Variants in ZC3H15 observed in about 807,000 individuals in gnomAD.
The protein encoded by ZC3H15 is zinc finger CCCH-type containing 15.
A neutral mutation model predicts 51.2 loss-of-function variants in ZC3H15; 15 were observed. The ratio of observed to expected loss-of-function variants is 0.29; its 90% CI spans 0.20 to 0.45. The LOEUF (loss-of-function observed/expected upper bound fraction) is 0.45. Among genes scored for constraint, ZC3H15 ranks in the 20% least tolerant of loss-of-function variants. The probability of loss-of-function intolerance (pLI) is 1.00; values close to 1 mark genes in which losing one functional copy is unlikely to be tolerated. For synonymous variants in ZC3H15, 144 were observed against 162.8 expected, an observed-to-expected ratio of 0.88 and a Z score of 0.88; for missense variants, 381 against 494.7, an observed-to-expected ratio of 0.77 and a Z score of 2.18.
intron 2 of ZC3H15, 132 bp downstream of exon 2, chr2:186,495,466 T>C: frequency 1.7e-6 from 1 of 600,694 alleles, no homozygotes; most frequent in Non-Finnish European, 2.7e-6. Context: ...TTTTGCACCT[T>C]GGCCTTCCTT....
At position 186,506,717 on chromosome 2, in the gene ZC3H15, A is replaced by G; in HGVS notation, c.971A>G (p.Asp324Gly). Residue 324 changes from aspartate to glycine, a missense_variant, in exon 9 of 10, where the codon GAT becomes GGT. By Grantham distance (94) the Asp-to-Gly change is moderately conservative. This residue lies in a region of ZC3H15 where 215 missense variants were observed against 241.8 expected (regional missense o/e 0.89). Transcript: ENST00000337859. ...CTTTTCTATATGTTGTTAAAGGTTG[A>G]TGATTCAGTGAGTGTAAATGACATA... is the stretch of plus-strand genomic sequence containing the variant. Reference protein sequence around the residue: ...YTQGTGGDEVDDSVSVNDIDL... With the variant: ...YTQGTGGDEVGDSVSVNDIDL... The G allele has an allele frequency of 6.2e-7, 1 of 1,608,478 alleles. No homozygotes were observed.
chr2:186,505,499 C>A lies in ZC3H15; in HGVS notation c.766C>A (p.Leu256Ile), dbSNP rs1308952789. Reference protein sequence around the residue: ...NVTKITLESFLAWKKRKRQEK... With the variant: ...NVTKITLESFIAWKKRKRQEK... ...TACCAAAATCACTCTAGAATCTTTT[C>A]TTGCCTGGAAGAAAAGGAAAAGACA... The change falls in exon 7 of 10, where the codon CTT becomes ATT. Residue 256 changes from leucine to isoleucine, a missense_variant. By Grantham distance (5) the Leu-to-Ile change is conservative. Around this residue, in one of 3 missense-constraint regions of ZC3H15, gnomAD observed 215 missense variants for 241.8 expected, o/e 0.89. Coordinates refer to ENST00000337859, the MANE Select transcript of ZC3H15 (RefSeq NM_018471.3). 3.1e-6 allele frequency: 5 copies of A among 1,596,994 alleles called. No individual in the cohort carries two copies. The highest frequency in any genetic ancestry group is 4.3e-6 in the Non-Finnish European group (5 of 1,174,646).
At chr2:186,495,525 C>T (rs1685267955) in intron 2 of ZC3H15, among the ~76,000 whole-genome samples, 191 bp downstream of exon 2, 1 of 152,158 alleles carries the variant, frequency 6.6e-6, no homozygotes, top group Non-Finnish European at 1.5e-5. Flanking sequence ...ATATAACTCT[C>T]ATTTATTCTA....
rs1317178980 is a variant in ZC3H15 at position 186,508,834 on chromosome 2, A to ATGCTGATTCTGGAGGAGTTAACC, written c.*103_*125dup. 3.0e-6 allele frequency: 4 copies of ATGCTGATTCTGGAGGAGTTAACC among 1,318,192 alleles called. No individual in the cohort carries two copies. The highest frequency in any genetic ancestry group is 4.2e-6 in the Non-Finnish European group (4 of 956,602). The allele number at this position is 1,318,192 out of a possible 1,614,324, so 81.7% of individuals were successfully genotyped here. A position where few individuals can be genotyped will look rare whatever the true frequency, so the allele number is the denominator to read the frequency against. ...AGAATCAACAGGATGTTTATTTCCT[A>ATGCTGATTCTGGAGGAGTTAACC]TGCTGATTCTGGAGGAGTTAACCTC... On this transcript the variant is annotated 3_prime_UTR_variant, in exon 10 of 10. Transcript: ENST00000337859.
chr2:186,496,624 A>C (rs985819084), intron 2 of ZC3H15, among the ~76,000 whole-genome samples: 3 of 152,208 alleles, frequency 2.0e-5, no homozygotes, highest in Admixed American at 6.5e-5. Context: ...AATCTGAGAA[A>C]TGTGTCGTTA....
intron 1 of ZC3H15, among the ~76,000 whole-genome samples, chr2:186,491,004 T>C (rs1293579959): frequency 5.3e-5 from 8 of 152,202 alleles, no homozygotes; most frequent in Admixed American, 5.2e-4. Flanking sequence ...TTTTTCTACC[T>C]TGTAATTCAG....
At chr2:186,501,209 G>A in intron 3 of ZC3H15, 64 bp from the exon 4 acceptor site, 2 of 1,449,050 alleles carry the variant, frequency 1.4e-6, no homozygotes, top group Non-Finnish European at 1.8e-6. Flanking sequence ...TCATATTTCA[G>A]GTAGAATCTA....
intron 1 of ZC3H15, among the ~76,000 whole-genome samples, chr2:186,491,027 G>T (rs1196568096): frequency 2.0e-5 from 3 of 152,018 alleles, no homozygotes; most frequent in Non-Finnish European, 4.4e-5. Flanking sequence ...TAATCTTTAG[G>T]TAGGGCTCTG....
intron 1 of ZC3H15, among the ~76,000 whole-genome samples, chr2:186,494,711 A>G (rs760793339): frequency 6.6e-6 from 1 of 152,216 alleles, no homozygotes; most frequent in Non-Finnish European, 1.5e-5. Flanking sequence ...TTAGCAAACT[A>G]TCGCAAGGAC....
chr2:186,495,792 T>G (rs980833720), intron 2 of ZC3H15, among the ~76,000 whole-genome samples: 2 of 152,236 alleles, frequency 1.3e-5, no homozygotes, highest in Non-Finnish European at 2.9e-5. Context: ...GTACTTCACA[T>G]TTTCATTTGT....
At position 186,506,874 on chromosome 2, in the gene ZC3H15, G is replaced by A. The variant is rs189427412; in HGVS notation, c.1090+38G>A. ...ACTTTTGCCTAATTTTAAGAACTAG[G>A]AAGTTATCTAAAGGGGGTTATACCA... On this transcript the variant is annotated intron_variant, in intron 9 of 9. Transcript: ENST00000337859. 1,544 of 1,593,298 alleles carry A rather than the reference G, an allele frequency of 9.7e-4. 23 individuals are homozygous for A. In the South Asian group the frequency reaches 0.012, roughly 12 times the overall value.
intron 4 of ZC3H15, among the ~76,000 whole-genome samples, chr2:186,501,637 G>A (rs1003516319): frequency 2.0e-5 from 3 of 151,976 alleles, no homozygotes; most frequent in African/African-American, 7.3e-5. Flanking sequence ...GATTTATTTT[G>A]GAATTGTCTG....
intron 1 of ZC3H15, among the ~76,000 whole-genome samples, 161 bp downstream of exon 1, chr2:186,486,618 TCTCTCATTACTATAGTG>T (rs1343360655): frequency 5.5e-5 from 1 of 18,112 alleles, no homozygotes; most frequent in Non-Finnish European, 1.7e-4. Flanking sequence ...TGACGCTAGC[TCTCTCATTACTATAGTG>T]ACGCTGCTGG....
At chr2:186,502,712 A>G (rs960584499) in intron 5 of ZC3H15, 125 bp downstream of exon 5, 7 of 745,646 alleles carry the variant, frequency 9.4e-6, no homozygotes, top group Non-Finnish European at 1.5e-5. Context: ...GATTTCATCA[A>G]GATAAGGTAC....
intron 1 of ZC3H15, among the ~76,000 whole-genome samples, chr2:186,489,677 G>C (rs61538288): frequency 0.078 from 11,917 of 152,106 alleles, 886 homozygotes; most frequent in East Asian, 0.43. Context: ...TACCTGTTCT[G>C]CTGCCACCTC....
At chr2:186,502,613 G>A in intron 5 of ZC3H15, 26 bp downstream of exon 5, 1 of 1,557,516 alleles carries the variant, frequency 6.4e-7, no homozygotes, top group Non-Finnish European at 8.8e-7. Flanking sequence ...GAATTGAGTT[G>A]CTGTGATATT....
chr2:186,488,334 T>C (rs1470071020), intron 1 of ZC3H15, among the ~76,000 whole-genome samples: 1 of 152,218 alleles, frequency 6.6e-6, no homozygotes, highest in Non-Finnish European at 1.5e-5. Context: ...CTCTTTCTAT[T>C]TAATTCTTTC....
chr2:186,487,479 T>C (rs1445612797), intron 1 of ZC3H15: 1 of 152,242 alleles, frequency 6.6e-6, no homozygotes, highest in Non-Finnish European at 1.5e-5. Flanking sequence ...TAAAGTCTGC[T>C]CATTGGATTT....
At position 186,509,116 on chromosome 2, in the gene ZC3H15, T is replaced by G. The variant is rs1685514366; in HGVS notation, c.*383T>G. ...TTTGACACAGTTTTTAATGAGTGAT[T>G]TAATTTCCTCTGTATTTGTATGTTT... On this transcript the variant is annotated 3_prime_UTR_variant, in exon 10 of 10. Transcript: ENST00000337859. The G allele has an allele frequency of 6.6e-6, 3 of 454,938 alleles. No individual in the cohort carries two copies. In the Admixed American group the frequency reaches 7.2e-5, roughly 11 times the overall value. 28.2% of individuals were successfully genotyped at this position (454,938 alleles called of 1,614,324 possible).
Sources: gnomAD v4.1 joint callset for allele counts (sites outside exome capture counted in the v4.1 genomes callset) on GRCh38, gnomAD v4.1.1 for gene constraint, gnomAD v4.1.1 regional missense constraint, MANE v1.5 for transcripts, NCBI Gene and HGNC (gene_info 2026-07-23, HGNC 2026-07-21) for gene names.